FAM3B: variants seen among roughly 807,000 people sequenced by gnomAD.
The protein encoded by FAM3B is protein FAM3B.
FAM3B carries 29 observed loss-of-function variants against 28.4 expected under a neutral mutation model. That is an observed-to-expected ratio of 1.02 (90% CI 0.76 to 1.39). The LOEUF is 1.39. Among genes scored for constraint, FAM3B ranks in the 40% most tolerant of loss-of-function variants. The pLI is 0.00. For missense variants in FAM3B, 266 were observed against 293.9 expected, an observed-to-expected ratio of 0.91 and a Z score of 0.69; for synonymous variants, 91 against 103.0, an observed-to-expected ratio of 0.88 and a Z score of 0.71.
intron 7 of FAM3B, among the ~76,000 whole-genome samples, chr21:41,349,665 G>A (rs948604540): frequency 6.6e-6 from 1 of 152,190 alleles, no homozygotes; most frequent in Non-Finnish European, 1.5e-5. Flanking sequence ...TTGTTGCCAT[G>A]ACCACCTGAG....
intron 7 of FAM3B, among the ~76,000 whole-genome samples, chr21:41,351,024 ATGG>A (rs2089115173): frequency 2.7e-5 from 4 of 150,106 alleles, no homozygotes; most frequent in East Asian, 1.9e-4. Context: ...ATTACTACCA[ATGG>A]TGCGGTTCTC....
At chr21:41,343,764 AT>A (rs2145824014) in intron 3 of FAM3B, among the ~76,000 whole-genome samples, 1 of 152,302 alleles carries the variant, frequency 6.6e-6, no homozygotes, top group Non-Finnish European at 1.5e-5. Flanking sequence ...AGTTTTCCTG[AT>A]TTTAGGGCAC....
chr21:41,316,908 C>A lies in FAM3B; in HGVS notation c.19+10C>A. On this transcript the variant is annotated intron_variant, in intron 1 of 7. Coordinates refer to ENST00000357985, the MANE Select transcript of FAM3B (RefSeq NM_058186.4). ...CGCCCATTGGCTGGTGGTGAGTGCG[C>A]CCCCGCCTCGGGGCGAGGGTAGGGG... is the stretch of plus-strand genomic sequence containing the variant. The A allele has an allele frequency of 7.3e-7, 1 of 1,360,556 alleles. No homozygotes were observed. Among genetic ancestry groups the A allele is most frequent in the South Asian group, 1.8e-5 (1 of 55,358 alleles). The allele number at this position is 1,360,556 out of a possible 1,614,324, so 84.3% of individuals were successfully genotyped here.
chr21:41,354,393 A>G (rs1213330165), intron 7 of FAM3B, among the ~76,000 whole-genome samples: 1 of 152,276 alleles, frequency 6.6e-6, no homozygotes, highest in African/African-American at 2.4e-5. Context: ...TGTTCATTAC[A>G]AAACTGTTCA....
intron 3 of FAM3B, among the ~76,000 whole-genome samples, chr21:41,341,278 T>A (rs2089005042): frequency 6.6e-6 from 1 of 152,254 alleles, no homozygotes; most frequent in Non-Finnish European, 1.5e-5. Flanking sequence ...ATGTTTGATA[T>A]CTTTTGGTAT....
chr21:41,345,907 A>T, intron 5 of FAM3B, 171 bp downstream of exon 5: 1 of 566,696 alleles, frequency 1.8e-6, no homozygotes, highest in Non-Finnish European at 3.1e-6. Context: ...CTCTAATTGA[A>T]TTCATAGAAC....
intron 2 of FAM3B, among the ~76,000 whole-genome samples, chr21:41,329,573 CT>C (rs1166660173): frequency 2.7e-3 from 388 of 143,366 alleles, no homozygotes; most frequent in Non-Finnish European, 2.6e-3. Context: ...TTTCTTTTTC[CT>C]TTTTTTTTTT....
At chr21:41,339,585 C>T (rs1049539181) in intron 3 of FAM3B, among the ~76,000 whole-genome samples, 4 of 152,136 alleles carry the variant, frequency 2.6e-5, no homozygotes, top group African/African-American at 9.7e-5. Flanking sequence ...TTAAGTTCTT[C>T]GATTTTACAT....
upstream of FAM3B, among the ~76,000 whole-genome samples, chr21:41,312,204 C>T (rs1253134649): frequency 3.3e-5 from 5 of 152,144 alleles, no homozygotes; most frequent in African/African-American, 7.2e-5. Flanking sequence ...AAACTTGATG[C>T]GTGGTAGTTT....
intron 2 of FAM3B, among the ~76,000 whole-genome samples, chr21:41,328,182 G>C (rs145923712): frequency 6.6e-6 from 1 of 152,314 alleles, no homozygotes; most frequent in African/African-American, 2.4e-5. Context: ...CACTAAAGGG[G>C]AGCGCGGGCT....
intron 3 of FAM3B, among the ~76,000 whole-genome samples, chr21:41,340,329 T>G (rs2088994172): frequency 6.6e-6 from 1 of 152,056 alleles, no homozygotes; most frequent in Admixed American, 6.5e-5. Flanking sequence ...AATTTTTGTA[T>G]TTTTAGTAGA....
At chr21:41,312,035 T>C (rs554074628), upstream of FAM3B, among the ~76,000 whole-genome samples, 8 of 152,250 alleles carry the variant, frequency 5.3e-5, no homozygotes, top group South Asian at 1.2e-3. Context: ...TTCACTATCA[T>C]GAGAACCGCA....
intron 2 of FAM3B, among the ~76,000 whole-genome samples, chr21:41,328,199 A>G (rs997859487): frequency 3.9e-5 from 6 of 152,290 alleles, no homozygotes; most frequent in African/African-American, 1.2e-4. Context: ...GGCTCCAGGG[A>G]GGATTCCTGA....
chr21:41,316,285 A>C (rs2088748205), upstream of FAM3B, among the ~76,000 whole-genome samples: 1 of 152,176 alleles, frequency 6.6e-6, no homozygotes, highest in Non-Finnish European at 1.5e-5. Context: ...CCCAGAATGA[A>C]TTCATCATCC....
chr21:41,344,501 G>A lies in FAM3B; in HGVS notation c.313G>A (p.Val105Ile), dbSNP rs2089038734. ...ACTTATGGGAGAACAGCTGGGAAAT[G>A]TTGCCAGAGGAATAAACATTGCCAT... ...NLLMGEQLGN[V>I]ARGINIAIVN... Residue 105 changes from valine to isoleucine, a missense_variant, in exon 4 of 8, where the codon GTT becomes ATT. By Grantham distance (29) the Val-to-Ile change is conservative. Transcript: ENST00000357985. 1 of 1,614,028 alleles carries A rather than the reference G, an allele frequency of 6.2e-7. No individual in the cohort carries two copies. The highest frequency in any genetic ancestry group is 8.5e-7 in the Non-Finnish European group (1 of 1,179,948).
At chr21:41,321,818 T>C (rs1295420381) in intron 1 of FAM3B, among the ~76,000 whole-genome samples, 1 of 152,206 alleles carries the variant, frequency 6.6e-6, no homozygotes, top group African/African-American at 2.4e-5. Flanking sequence ...CTCTAGGTGC[T>C]GGAAGTCAAG....
chr21:41,312,304 A>C (rs533532034), upstream of FAM3B, among the ~76,000 whole-genome samples: 1 of 152,340 alleles, frequency 6.6e-6, no homozygotes, highest in South Asian at 2.1e-4. Flanking sequence ...ATAATTTTGT[A>C]TAATGATTAT....
upstream of FAM3B, among the ~76,000 whole-genome samples, chr21:41,316,456 T>A (rs1014119019): frequency 2.0e-5 from 3 of 152,326 alleles, no homozygotes; most frequent in African/African-American, 7.2e-5. Context: ...CTCTGCTTTG[T>A]CATTTGAAAG....
At chr21:41,322,440 G>A (rs561614579) in intron 1 of FAM3B, 74 of 624,380 alleles carry the variant, frequency 1.2e-4, no homozygotes, top group Non-Finnish European at 2.0e-4. Flanking sequence ...CATGCTTGCT[G>A]GGCATCGGCT....
Sources: gnomAD v4.1 joint callset for allele counts (sites outside exome capture counted in the v4.1 genomes callset) on GRCh38, gnomAD v4.1.1 for gene constraint, MANE v1.5 for transcripts, NCBI Gene and HGNC (gene_info 2026-07-23, HGNC 2026-07-21) for gene names.